MICAL2: variants seen among roughly 807,000 people sequenced by gnomAD.
MICAL2 encodes microtubule associated monooxygenase, calponin and LIM domain containing 2, also known as [F-actin]-monooxygenase MICAL2.
In MICAL2, 77 loss-of-function variants were observed where a neutral mutation model predicts 127.3. That is an observed-to-expected ratio of 0.60 (90% CI 0.50 to 0.73). The LOEUF (loss-of-function observed/expected upper bound fraction) is 0.73. Among genes scored for constraint, MICAL2 ranks in the 30% least tolerant of loss-of-function variants. The pLI, the probability that MICAL2 is intolerant of heterozygous loss-of-function variation, is 0.00. For missense variants in MICAL2, 1,351 were observed against 1,434.4 expected (o/e 0.94, Z 0.94); for synonymous variants, 570 against 551.1 (o/e 1.03, Z -0.48).
chr11:12,228,663 AG>A (rs1054357631), intron 15 of MICAL2, among the ~76,000 whole-genome samples: 5 of 152,192 alleles, frequency 3.3e-5, no homozygotes, highest in Non-Finnish European at 2.9e-5. Context: ...GCAGTTGGAA[AG>A]TCAGAGAGGG....
At chr11:12,272,436 G>A (rs1189450773), upstream of MICAL2, among the ~76,000 whole-genome samples, 1 of 152,188 alleles carries the variant, frequency 6.6e-6, no homozygotes, top group African/African-American at 2.4e-5. Context: ...GACAGAAAGA[G>A]ATCCTTGAAG....
intron 2 of MICAL2, among the ~76,000 whole-genome samples, chr11:12,153,792 T>A (rs1316138926): frequency 1.3e-5 from 2 of 152,230 alleles, no homozygotes. Flanking sequence ...CTGTTAGTTT[T>A]GAGATAGGCT....
At chr11:12,173,999 T>C (rs1272890046) in intron 3 of MICAL2, among the ~76,000 whole-genome samples, 1 of 152,218 alleles carries the variant, frequency 6.6e-6, no homozygotes, top group Non-Finnish European at 1.5e-5. Flanking sequence ...GTTTTTGAAA[T>C]CTGGTGTGTG....
chr11:12,119,105 T>C (rs1850289850), intron 1 of MICAL2, among the ~76,000 whole-genome samples: 1 of 152,178 alleles, frequency 6.6e-6, no homozygotes, highest in South Asian at 2.1e-4. Flanking sequence ...CCTCCTCCTC[T>C]GCCCTTGACC....
At position 12,308,797 on chromosome 11, in the gene MICAL2, A is replaced by C. The variant is rs112875754; in HGVS notation, c.5213-10899A>C. ...AATAGAAGTGGTGATAGTGTACACC[A>C]TTGTCTCTTTCCCAATATGAGAGAG... On this transcript the variant is annotated intron_variant, in intron 29 of 34. Coordinates refer to the MICAL2 transcript ENST00000646065. 1.7e-3 allele frequency among the ~76,000 whole-genome samples: 260 copies of C among 152,256 alleles called. 1 individual carries two copies. The highest frequency in any genetic ancestry group is 6.0e-3 in the African/African-American group (249 of 41,550).
intron 32 of MICAL2, among the ~76,000 whole-genome samples, chr11:12,337,606 C>T (rs1017497981): frequency 3.6e-4 from 55 of 151,788 alleles, no homozygotes; most frequent in African/African-American, 1.3e-3. Flanking sequence ...TATAAATTTC[C>T]CTCTACACAC....
intron 1 of MICAL2, among the ~76,000 whole-genome samples, chr11:12,135,453 C>G (rs1444631923): frequency 6.6e-6 from 1 of 152,114 alleles, no homozygotes; most frequent in Non-Finnish European, 1.5e-5. Flanking sequence ...GTTACCCACC[C>G]ACTCTGATGC....
exon 31 of MICAL2, chr11:12,324,037 G>A (rs752467281): frequency 1.2e-6 from 2 of 1,613,548 alleles, no homozygotes; most frequent in Non-Finnish European, 1.7e-6. Flanking sequence ...AGTTGGTTAA[G>A]CAAGAAGAAT....
At chr11:12,288,887 C>T (rs772243446), downstream of MICAL2, among the ~76,000 whole-genome samples, 6 of 152,222 alleles carry the variant, frequency 3.9e-5, no homozygotes, top group Non-Finnish European at 5.9e-5. Context: ...CTGAAAGCCA[C>T]GAGAGCCATC....
At chr11:12,261,195 T>G in intron 26 of MICAL2, 1 of 985,486 alleles carries the variant, frequency 1.0e-6, no homozygotes, top group South Asian at 4.7e-5. Flanking sequence ...CCAGTGAGCA[T>G]TGCCTGTGGA....
At chr11:12,142,924 C>A (rs900229918) in intron 2 of MICAL2, among the ~76,000 whole-genome samples, 15 of 152,248 alleles carry the variant, frequency 9.9e-5, no homozygotes, top group African/African-American at 3.6e-4. Context: ...AAGGCATTGA[C>A]TGAAGCGTCA....
intron 1 of MICAL2, among the ~76,000 whole-genome samples, chr11:12,111,368 C>G (rs539002839): frequency 6.6e-6 from 1 of 152,146 alleles, no homozygotes; most frequent in Non-Finnish European, 1.5e-5. Context: ...CCCAGGAGCA[C>G]CCCCGCAGGG....
At position 12,262,505 on chromosome 11, in the gene MICAL2, C is replaced by T; in HGVS notation, c.3360C>T (p.His1120=). 6.2e-7 allele frequency: 1 copy of T among 1,613,860 alleles called. No homozygotes were observed. The highest frequency in any genetic ancestry group is 8.5e-7 in the Non-Finnish European group (1 of 1,179,854). The change falls in exon 27 of 28, where the codon CAC becomes CAT. Residue 1120 remains histidine, a synonymous_variant. Transcript: ENST00000683283. ...TTCATTTCAGCCTTCCAGTGCTACA[C>T]CCACTTCTTGGCTGACACACTTCTG... ...PPVHFSLPVL[H]PLLG
intron 29 of MICAL2, among the ~76,000 whole-genome samples, chr11:12,303,105 C>T (rs1864067489): frequency 1.3e-5 from 2 of 152,140 alleles, no homozygotes; most frequent in African/African-American, 2.4e-5. Flanking sequence ...ACAAAAACAG[C>T]ATGAAGGAAA....
intron 2 of MICAL2, among the ~76,000 whole-genome samples, chr11:12,141,591 C>T (rs552257973): frequency 6.6e-6 from 1 of 152,330 alleles, no homozygotes; most frequent in South Asian, 2.1e-4. Flanking sequence ...TGGGAGAAAA[C>T]TCTAACCTTG....
Position 12,242,734 on chromosome 11 carries a change from C to T in MICAL2, c.2620C>T (p.His874Tyr). 1 of 1,611,554 alleles carries T rather than the reference C, an allele frequency of 6.2e-7. No homozygotes were observed. The highest frequency in any genetic ancestry group is 8.5e-7 in the Non-Finnish European group (1 of 1,179,138). Residue 874 changes from histidine to tyrosine, a missense_variant, in exon 20 of 28, where the codon CAC becomes TAC. Transcript: ENST00000683283. ...HTKNIKEKAA[H>Y]LASMFGHGDF... ...AAAGAACATTAAGGAGAAGGCGGCT[C>T]ACCTTGCCTCCATGTTTGGACACGG...
chr11:12,260,267 G>T (rs1862922973), intron 26 of MICAL2: 1 of 1,433,532 alleles, frequency 7.0e-7, no homozygotes. Flanking sequence ...AGGAAGCCTA[G>T]CATTCTCTAA....
chr11:12,266,632 A>T (rs142453724), downstream of MICAL2, among the ~76,000 whole-genome samples: 591 of 152,320 alleles, frequency 3.9e-3, 5 homozygotes, highest in African/African-American at 0.014. Flanking sequence ...AGCTCCTGAT[A>T]CTAGGGAGGC....
intron 3 of MICAL2, among the ~76,000 whole-genome samples, chr11:12,173,001 TAAGAG>T (rs1428434915): frequency 1.3e-5 from 2 of 152,118 alleles, no homozygotes; most frequent in African/African-American, 2.4e-5. Flanking sequence ...AATATATACT[TAAGAG>T]AAGTTGTAAA....
Sources: allele counts gnomAD v4.1 joint callset (sites outside exome capture counted in the v4.1 genomes callset), GRCh38; gene constraint gnomAD v4.1.1; transcripts MANE v1.5; gene names NCBI Gene and HGNC (gene_info 2026-07-23, HGNC 2026-07-21).